CTNNA2: variants seen among roughly 807,000 people sequenced by gnomAD.
The protein encoded by CTNNA2 is catenin alpha 2.
In CTNNA2, 42 loss-of-function variants were observed where a neutral mutation model predicts 101.0. The observed-to-expected ratio is 0.42, with a 90% CI of 0.32 to 0.54. The LOEUF is 0.54. CTNNA2 is among the 20% of genes least tolerant of loss of function. The probability of loss-of-function intolerance (pLI) is 0.14; values close to 1 mark genes in which losing one functional copy is unlikely to be tolerated. For missense variants in CTNNA2, 871 were observed against 1,223.1 expected, an observed-to-expected ratio of 0.71 and a Z score of 4.29; for synonymous variants, 450 against 456.4, an observed-to-expected ratio of 0.99 and a Z score of 0.18.
chr2:80,045,116 C>T (rs1457501452), intron 7 of CTNNA2, among the ~76,000 whole-genome samples: 1 of 152,168 alleles, frequency 6.6e-6, no homozygotes, highest in Non-Finnish European at 1.5e-5. Context: ...TGGTGGATGG[C>T]TTTCCCTAGA....
chr2:79,254,854 C>T (rs960435231), intron 2 of CTNNA2, among the ~76,000 whole-genome samples: 6 of 152,144 alleles, frequency 3.9e-5, no homozygotes, highest in African/African-American at 7.2e-5. Flanking sequence ...AAGTGCCTAG[C>T]GCCCACAAAT....
intron 1 of CTNNA2, among the ~76,000 whole-genome samples, chr2:79,558,750 C>T (rs895842233): frequency 2.0e-5 from 3 of 151,966 alleles, no homozygotes; most frequent in African/African-American, 7.2e-5. Context: ...TGCACAAAGA[C>T]TCAGCGTTTT....
At chr2:79,211,531 G>A (rs1457560368) in intron 2 of CTNNA2, among the ~76,000 whole-genome samples, 1 of 152,140 alleles carries the variant, frequency 6.6e-6, no homozygotes, top group African/African-American at 2.4e-5. Flanking sequence ...TTGTTCTCTG[G>A]CGGGCAGGAG....
intron 7 of CTNNA2, among the ~76,000 whole-genome samples, chr2:79,920,475 C>T (rs1686578430): frequency 6.6e-6 from 1 of 152,156 alleles, no homozygotes. Context: ...TTTGGCCTGG[C>T]ACATAGGAGG....
At chr2:79,588,097 A>C (rs1378314265) in intron 1 of CTNNA2, among the ~76,000 whole-genome samples, 1 of 152,212 alleles carries the variant, frequency 6.6e-6, no homozygotes, top group East Asian at 1.9e-4. Flanking sequence ...GTTTCAGGCC[A>C]TTCTAAGATG....
chr2:80,519,847 A>AC (rs781226144), intron 9 of CTNNA2, among the ~76,000 whole-genome samples: 1 of 152,180 alleles, frequency 6.6e-6, no homozygotes, highest in Non-Finnish European at 1.5e-5. Flanking sequence ...TCAGATGCAG[A>AC]CCCATAATGG....
chr2:79,444,151 A>G (rs1423690429), intron 4 of CTNNA2, among the ~76,000 whole-genome samples: 3 of 152,064 alleles, frequency 2.0e-5, no homozygotes, highest in African/African-American at 7.2e-5. Context: ...CAGCCTGGTG[A>G]GAGATCCTAA....
intron 9 of CTNNA2, among the ~76,000 whole-genome samples, chr2:80,478,990 T>G (rs1685939816): frequency 6.6e-6 from 1 of 151,140 alleles, no homozygotes; most frequent in East Asian, 2.0e-4. Context: ...ACAGTATTGA[T>G]TCTTCCAATC....
At chr2:79,198,932 C>A (rs1212559275) in intron 2 of CTNNA2, among the ~76,000 whole-genome samples, 2 of 152,022 alleles carry the variant, frequency 1.3e-5, no homozygotes, top group African/African-American at 4.8e-5. Context: ...ACAATCAGTG[C>A]AAAGGTGAGT....
chr2:79,266,330 G>A (rs1041080567), intron 2 of CTNNA2, among the ~76,000 whole-genome samples: 2 of 152,272 alleles, frequency 1.3e-5, no homozygotes, highest in African/African-American at 4.8e-5. Context: ...CTCCCTGGAT[G>A]AAGATCACTT....
At chr2:80,122,925 C>T (rs1304264254) in intron 7 of CTNNA2, among the ~76,000 whole-genome samples, 2 of 152,142 alleles carry the variant, frequency 1.3e-5, no homozygotes, top group African/African-American at 4.8e-5. Flanking sequence ...AACCTTCCCT[C>T]ATCCAGGAAG....
At chr2:80,406,185 A>T (rs1679036531) in intron 8 of CTNNA2, among the ~76,000 whole-genome samples, 1 of 151,986 alleles carries the variant, frequency 6.6e-6, no homozygotes, top group Admixed American at 6.5e-5. Context: ...GTGAAACCCC[A>T]TCTCTACTAA....
chr2:79,698,129 G>A (rs968711637), intron 2 of CTNNA2, among the ~76,000 whole-genome samples: 14 of 151,992 alleles, frequency 9.2e-5, no homozygotes, highest in Non-Finnish European at 2.1e-4. Context: ...CTTCGGATGA[G>A]TATATTTTAT....
At chr2:80,596,602 G>A (rs567363273) in intron 15 of CTNNA2, among the ~76,000 whole-genome samples, 8 of 151,938 alleles carry the variant, frequency 5.3e-5, no homozygotes, top group East Asian at 3.9e-4. Flanking sequence ...CTGAGCCACC[G>A]CACCAGGCCA....
chr2:80,635,383 AT>A (rs1423082705), intron 18 of CTNNA2, among the ~76,000 whole-genome samples: 2 of 152,186 alleles, frequency 1.3e-5, no homozygotes, highest in Non-Finnish European at 2.9e-5. Flanking sequence ...AAAATTACTG[AT>A]TTTTAAACTA....
chr2:80,575,645 A>C (rs895984563), intron 13 of CTNNA2, among the ~76,000 whole-genome samples: 2 of 152,086 alleles, frequency 1.3e-5, no homozygotes, highest in African/African-American at 4.8e-5. Flanking sequence ...TCCCACTGTA[A>C]TCCTCAAGAT....
At chr2:79,518,375 G>T (rs1440609798) in intron 1 of CTNNA2, among the ~76,000 whole-genome samples, 1 of 152,156 alleles carries the variant, frequency 6.6e-6, no homozygotes, top group Non-Finnish European at 1.5e-5. Context: ...AAGTCCTTGA[G>T]TTGTATATGG....
chr2:80,066,812 A>G (rs1435479328), intron 7 of CTNNA2, among the ~76,000 whole-genome samples: 1 of 152,224 alleles, frequency 6.6e-6, no homozygotes, highest in Admixed American at 6.5e-5. Flanking sequence ...GTTATTCACA[A>G]TAGCCAAAAT....
At chr2:80,391,407 T>C (rs762925971) in intron 7 of CTNNA2, among the ~76,000 whole-genome samples, 2 of 152,176 alleles carry the variant, frequency 1.3e-5, no homozygotes, top group African/African-American at 2.4e-5. Flanking sequence ...AATTTTTTTC[T>C]TTTCACTTTG....
Sources: allele counts gnomAD v4.1 joint callset (sites outside exome capture counted in the v4.1 genomes callset), GRCh38; gene constraint gnomAD v4.1.1; transcripts MANE v1.5; gene names NCBI Gene and HGNC (gene_info 2026-07-23, HGNC 2026-07-21).